The following SLC16A7 variants were observed in gnomAD, a reference collection of about 807,000 sequenced individuals.
SLC16A7 encodes monocarboxylate transporter 2.
In SLC16A7, 33 loss-of-function variants were observed where a neutral mutation model predicts 34.9. The observed-to-expected ratio is 0.94, with a 90% CI of 0.72 to 1.26. SLC16A7 has a LOEUF of 1.26. SLC16A7 is among the 50% of genes most tolerant of loss of function. The pLI is 0.00. For missense variants in SLC16A7, 573 were observed against 578.1 expected, an observed-to-expected ratio of 0.99 and a Z score of 0.09; for synonymous variants, 201 against 206.6, an observed-to-expected ratio of 0.97 and a Z score of 0.23.
chr12:59,598,972 A>G (rs1391561561), intron 1 of SLC16A7, among the ~76,000 whole-genome samples: 4 of 152,232 alleles, frequency 2.6e-5, no homozygotes, highest in African/African-American at 9.6e-5. Context: ...AAAAGAATTT[A>G]TGCCCAGAAA....
At chr12:59,663,067 A>C (rs1037926845) in intron 2 of SLC16A7, among the ~76,000 whole-genome samples, 1 of 152,086 alleles carries the variant, frequency 6.6e-6, no homozygotes, top group Non-Finnish European at 1.5e-5. Flanking sequence ...TGGTAATGAC[A>C]GTAAGCAAAA....
At chr12:59,694,538 A>G (rs1038515985) in intron 2 of SLC16A7, among the ~76,000 whole-genome samples, 13 of 151,698 alleles carry the variant, frequency 8.6e-5, no homozygotes, top group African/African-American at 3.1e-4. Flanking sequence ...AGAACACAAC[A>G]TAAGATCTAC....
At chr12:59,755,998 C>A (rs1396634531) in intron 3 of SLC16A7, among the ~76,000 whole-genome samples, 1 of 152,116 alleles carries the variant, frequency 6.6e-6, no homozygotes, top group African/African-American at 2.4e-5. Context: ...CAAAAACAAG[C>A]AATGGGGAAA....
chr12:59,672,435 A>G (rs1012569206), intron 2 of SLC16A7, among the ~76,000 whole-genome samples: 2 of 150,780 alleles, frequency 1.3e-5, no homozygotes, highest in African/African-American at 2.4e-5. Context: ...CTTATCTCCC[A>G]TCTTGTGTGG....
At chr12:59,604,200 T>C (rs1416649961) in intron 1 of SLC16A7, among the ~76,000 whole-genome samples, 2 of 152,230 alleles carry the variant, frequency 1.3e-5, no homozygotes, top group African/African-American at 4.8e-5. Context: ...ATTGGAATTG[T>C]TTTTCATGAT....
chr12:59,774,600 T>G, intron 4 of SLC16A7, 57 bp from the exon 5 acceptor site: 1 of 1,104,746 alleles, frequency 9.1e-7, no homozygotes, highest in South Asian at 1.6e-5. Flanking sequence ...AGTAATTTCT[T>G]TTGTGAGTGC....
intron 3 of SLC16A7, among the ~76,000 whole-genome samples, chr12:59,764,740 C>T (rs893593663): frequency 1.6e-4 from 25 of 152,196 alleles, no homozygotes; most frequent in African/African-American, 5.3e-4. Flanking sequence ...CATTGTTGGA[C>T]ATTTGGGTTG....
chr12:59,613,632 G>T (rs960764123), intron 1 of SLC16A7, among the ~76,000 whole-genome samples: 3 of 152,116 alleles, frequency 2.0e-5, no homozygotes, highest in African/African-American at 7.2e-5. Flanking sequence ...CACAATCAAG[G>T]AAGTGTGGGA....
intron 3 of SLC16A7, among the ~76,000 whole-genome samples, 198 bp downstream of exon 3, chr12:59,705,216 AGTCTTAATGGAGGATTT>A (rs1873427384): frequency 6.6e-6 from 1 of 152,190 alleles, no homozygotes; most frequent in African/African-American, 2.4e-5. Context: ...CTTCGAATTG[AGTCTTAATGGAGGATTT>A]GTTTGAATAA....
chr12:59,766,096 A>G (rs1178752643), intron 3 of SLC16A7, among the ~76,000 whole-genome samples: 1 of 152,166 alleles, frequency 6.6e-6, no homozygotes, highest in Non-Finnish European at 1.5e-5. Context: ...CTTTGAAGCA[A>G]TTGTGAATGG....
At chr12:59,758,176 T>A (rs1202206081) in intron 3 of SLC16A7, among the ~76,000 whole-genome samples, 1 of 151,972 alleles carries the variant, frequency 6.6e-6, no homozygotes, top group African/African-American at 2.4e-5. Context: ...CAAAAAAAAA[T>A]TAGAAAAAAA....
intron 1 of SLC16A7, among the ~76,000 whole-genome samples, chr12:59,637,906 C>T (rs749523936): frequency 1.4e-4 from 21 of 152,114 alleles, no homozygotes; most frequent in Non-Finnish European, 2.1e-4. Context: ...CTCTTTCATG[C>T]TCTTTTGCTT....
At chr12:59,678,440 T>A (rs1870480836) in intron 2 of SLC16A7, among the ~76,000 whole-genome samples, 1 of 152,112 alleles carries the variant, frequency 6.6e-6, no homozygotes, top group African/African-American at 2.4e-5. Flanking sequence ...TGTTCAGCTC[T>A]TAGCAGAGAG....
At chr12:59,613,488 A>G (rs1262662070) in intron 1 of SLC16A7, among the ~76,000 whole-genome samples, 1 of 152,218 alleles carries the variant, frequency 6.6e-6, no homozygotes, top group Non-Finnish European at 1.5e-5. Flanking sequence ...GGGGACATAT[A>G]TATTCAGTGT....
intron 1 of SLC16A7, among the ~76,000 whole-genome samples, chr12:59,610,627 G>C (rs79643783): frequency 3.3e-5 from 5 of 152,126 alleles, no homozygotes; most frequent in East Asian, 1.9e-4. Context: ...TCAATGTAAG[G>C]GTTCATCTTA....
intron 1 of SLC16A7, among the ~76,000 whole-genome samples, chr12:59,651,326 T>G (rs895207322): frequency 9.9e-5 from 15 of 152,116 alleles, no homozygotes; most frequent in Non-Finnish European, 1.8e-4. Context: ...TGTCCTAGTG[T>G]TTTTCTTACT....
At chr12:59,698,240 T>C (rs1872534836) in intron 2 of SLC16A7, among the ~76,000 whole-genome samples, 1 of 151,798 alleles carries the variant, frequency 6.6e-6, no homozygotes, top group South Asian at 2.1e-4. Flanking sequence ...TAGGGAAATA[T>C]TGTTAAAACT....
chr12:59,761,621 T>C (rs1172527784), intron 3 of SLC16A7, among the ~76,000 whole-genome samples: 1 of 152,138 alleles, frequency 6.6e-6, no homozygotes, highest in Non-Finnish European at 1.5e-5. Flanking sequence ...TCTCTAAAAA[T>C]ATGTACCATG....
At chr12:59,745,794 A>C (rs1878829353) in intron 3 of SLC16A7, among the ~76,000 whole-genome samples, 1 of 152,216 alleles carries the variant, frequency 6.6e-6, no homozygotes, top group Non-Finnish European at 1.5e-5. Flanking sequence ...TTACACTGAA[A>C]GCACTGGAAG....
Sources: gnomAD v4.1 joint callset for allele counts (sites outside exome capture counted in the v4.1 genomes callset) on GRCh38, gnomAD v4.1.1 for gene constraint, MANE v1.5 for transcripts, NCBI Gene and HGNC (gene_info 2026-07-23, HGNC 2026-07-21) for gene names.